ANKFN1: variants seen among roughly 807,000 people sequenced by gnomAD.
The protein encoded by ANKFN1 is ankyrin repeat and fibronectin type III domain containing 1.
In ANKFN1, 74 loss-of-function variants were observed where a neutral mutation model predicts 108.7. That is an observed-to-expected ratio of 0.68 (90% CI 0.56 to 0.83). The LOEUF (loss-of-function observed/expected upper bound fraction) is 0.83. Ranked by LOEUF, ANKFN1 falls within the 40% of genes least tolerant of loss-of-function variation. The probability of loss-of-function intolerance (pLI) is 0.00; values close to 1 mark genes in which losing one functional copy is unlikely to be tolerated. For synonymous variants in ANKFN1, 547 were observed against 516.2 expected (o/e 1.06, Z -0.81); for missense variants, 1,505 against 1,382.3 (o/e 1.09, Z -1.41).
intron 4 of ANKFN1, among the ~76,000 whole-genome samples, chr17:56,099,275 T>C (rs1905594043): frequency 6.6e-6 from 1 of 152,186 alleles, no homozygotes; most frequent in Non-Finnish European, 1.5e-5. Context: ...CACAAGTTAC[T>C]TCGATGCTTA....
At chr17:56,217,242 C>G (rs554613987) in intron 2 of ANKFN1, among the ~76,000 whole-genome samples, 119 of 152,300 alleles carry the variant, frequency 7.8e-4, no homozygotes, top group African/African-American at 2.3e-3. Flanking sequence ...ACAAACTCCC[C>G]CTAGCTGACT....
Position 56,425,127 on chromosome 17 carries a change from TAA to T in ANKFN1, c.911-15185_911-15184del, listed in dbSNP as rs59432133. Among the ~76,000 whole-genome samples the T allele has an allele frequency of 1.2e-3, 162 of 139,636 alleles. 1 individual carries two copies. The highest frequency in any genetic ancestry group is 2.8e-3 in the African/African-American group (106 of 38,298). 91.6% of individuals were successfully genotyped at this position (139,636 alleles called of 152,430 possible). ...TACACTGTTGCTAACAGCTCTTAGT[TAA>T]AAAAAAAAAAAAAAGTAGCTGAACT... is the stretch of plus-strand genomic sequence containing the variant. On this transcript the variant is annotated intron_variant, in intron 8 of 20. Transcript: ENST00000682825.
intron 11 of ANKFN1, among the ~76,000 whole-genome samples, chr17:56,454,215 A>G (rs751663449): frequency 4.0e-5 from 6 of 150,662 alleles, no homozygotes; most frequent in Non-Finnish European, 7.4e-5. Flanking sequence ...TTTCTTGGAG[A>G]TTTCATCAGC....
chr17:56,314,713 G>A (rs1217738123), intron 3 of ANKFN1, among the ~76,000 whole-genome samples: 1 of 152,066 alleles, frequency 6.6e-6, no homozygotes, highest in East Asian at 1.9e-4. Context: ...ACTCTAACTG[G>A]TGTTTCATTT....
At chr17:56,503,869 G>A (rs1254329708) in intron 20 of ANKFN1, among the ~76,000 whole-genome samples, 1 of 152,148 alleles carries the variant, frequency 6.6e-6, no homozygotes, top group Non-Finnish European at 1.5e-5. Flanking sequence ...ACCAGTCCTG[G>A]CCTGCCCAGT....
At chr17:56,335,418 T>C (rs896121500) in intron 4 of ANKFN1, among the ~76,000 whole-genome samples, 60 of 152,218 alleles carry the variant, frequency 3.9e-4, no homozygotes, top group Non-Finnish European at 7.3e-5. Context: ...GTAGTTCTCC[T>C]TGAAGAGGCC....
At chr17:56,178,244 G>A (rs550484678) in intron 1 of ANKFN1, among the ~76,000 whole-genome samples, 10 of 152,262 alleles carry the variant, frequency 6.6e-5, no homozygotes, top group East Asian at 1.9e-4. Flanking sequence ...TTCATGTATC[G>A]TATGACTTGA....
chr17:56,469,845 A>G (rs1008166783), intron 15 of ANKFN1, among the ~76,000 whole-genome samples: 2 of 151,096 alleles, frequency 1.3e-5, no homozygotes, highest in African/African-American at 4.9e-5. Context: ...GGTTTGTTAC[A>G]TTGGTGTGCC....
intron 8 of ANKFN1, among the ~76,000 whole-genome samples, chr17:56,428,371 A>G (rs1397525576): frequency 2.8e-4 from 7 of 24,586 alleles, no homozygotes; most frequent in African/African-American, 5.0e-4. Flanking sequence ...TTGTTTCAGG[A>G]TTTATTTTTT....
intron 1 of ANKFN1, among the ~76,000 whole-genome samples, chr17:56,155,356 C>A (rs554542720): frequency 6.6e-6 from 1 of 152,210 alleles, no homozygotes; most frequent in African/African-American, 2.4e-5. Context: ...TGAGACAAGG[C>A]TTCTCACTGC....
intron 4 of ANKFN1, among the ~76,000 whole-genome samples, chr17:56,059,972 C>T (rs1904944521): frequency 6.6e-6 from 1 of 152,014 alleles, no homozygotes; most frequent in South Asian, 2.1e-4. Context: ...TGAAGAATGT[C>T]AATGGTAGTT....
At chr17:56,349,516 A>G (rs1417181531) in intron 4 of ANKFN1, among the ~76,000 whole-genome samples, 1 of 152,106 alleles carries the variant, frequency 6.6e-6, no homozygotes, top group African/African-American at 2.4e-5. Flanking sequence ...AGGCATGAGG[A>G]TGAAATTAAC....
intron 3 of ANKFN1, among the ~76,000 whole-genome samples, chr17:56,293,300 A>G (rs554712284): frequency 2.8e-4 from 43 of 152,230 alleles, no homozygotes; most frequent in African/African-American, 9.9e-4. Context: ...ATTTATCCTA[A>G]TCTTCTCCCC....
intron 8 of ANKFN1, among the ~76,000 whole-genome samples, chr17:56,421,218 G>T (rs2048396301): frequency 6.6e-6 from 1 of 152,174 alleles, no homozygotes; most frequent in Admixed American, 6.5e-5. Flanking sequence ...GATGATGGAA[G>T]AAGGCTGGAA....
At chr17:56,067,403 T>G (rs1905073451) in intron 4 of ANKFN1, among the ~76,000 whole-genome samples, 1 of 152,176 alleles carries the variant, frequency 6.6e-6, no homozygotes, top group Non-Finnish European at 1.5e-5. Context: ...GCTCTGAACT[T>G]TTCTGCCTTC....
chr17:56,461,316 C>A (rs1412742638), intron 14 of ANKFN1, among the ~76,000 whole-genome samples: 1 of 152,140 alleles, frequency 6.6e-6, no homozygotes, highest in Admixed American at 6.5e-5. Flanking sequence ...CCCACAAAAC[C>A]TAGATCTAGT....
At chr17:56,049,349 T>C (rs1400333310) in intron 4 of ANKFN1, among the ~76,000 whole-genome samples, 1 of 152,152 alleles carries the variant, frequency 6.6e-6, no homozygotes, top group East Asian at 1.9e-4. Context: ...AACAGTGTCT[T>C]GGGAGCAAGA....
At chr17:56,092,511 T>A (rs1205387939) in intron 4 of ANKFN1, among the ~76,000 whole-genome samples, 1 of 151,060 alleles carries the variant, frequency 6.6e-6, no homozygotes, top group Non-Finnish European at 1.5e-5. Context: ...CCTGACCTCA[T>A]GATCCACCCA....
At chr17:56,432,756 A>G (rs546390464) in intron 8 of ANKFN1, among the ~76,000 whole-genome samples, 1 of 152,210 alleles carries the variant, frequency 6.6e-6, no homozygotes, top group Non-Finnish European at 1.5e-5. Flanking sequence ...CTTCTGCCCC[A>G]GATTCCCTCA....
Sources: gnomAD v4.1 joint callset for allele counts (sites outside exome capture counted in the v4.1 genomes callset) on GRCh38, gnomAD v4.1.1 for gene constraint, MANE v1.5 for transcripts, NCBI Gene and HGNC (gene_info 2026-07-23, HGNC 2026-07-21) for gene names.